MEIOSIN: variants seen among roughly 807,000 people sequenced by gnomAD.
MEIOSIN encodes meiosis initiator protein.
Under a neutral mutation model 23.4 loss-of-function variants are expected in MEIOSIN, and 18 were observed. The ratio of observed to expected loss-of-function variants is 0.77; its 90% CI spans 0.53 to 1.14. MEIOSIN has a LOEUF of 1.14. Among genes scored for constraint, MEIOSIN ranks in the 50% most tolerant of loss-of-function variants. The probability of loss-of-function intolerance (pLI) is 0.00; values close to 1 mark genes in which losing one functional copy is unlikely to be tolerated. For synonymous variants in MEIOSIN, 187 were observed against 100.6 expected, an observed-to-expected ratio of 1.86 and a Z score of -5.14; for missense variants, 428 against 242.9, an observed-to-expected ratio of 1.76 and a Z score of -5.07.
intron 7 of MEIOSIN, 123 bp downstream of exon 7, chr19:45,754,847 C>A (rs1025365300): frequency 6.4e-6 from 4 of 628,706 alleles, no homozygotes; most frequent in Non-Finnish European, 1.1e-5. Flanking sequence ...AACACCGCCT[C>A]TTACTTCTCA....
chr19:45,755,150 CTTT>C (rs974858195), intron 7 of MEIOSIN, among the ~76,000 whole-genome samples: 4 of 137,772 alleles, frequency 2.9e-5, no homozygotes, highest in Admixed American at 7.3e-5. Flanking sequence ...TCAGCCTTTT[CTTT>C]TTTTTTTTTT....
At chr19:45,751,734 C>CT (rs35105394) in intron 5 of MEIOSIN, among the ~76,000 whole-genome samples, 113 of 139,638 alleles carry the variant, frequency 8.1e-4, no homozygotes, top group Non-Finnish European at 7.3e-4. Flanking sequence ...TTCTTTCTTT[C>CT]TTTTTTTTTT....
chr19:45,740,518 A>T (rs1968483131), intron 3 of MEIOSIN, among the ~76,000 whole-genome samples: 1 of 152,166 alleles, frequency 6.6e-6, no homozygotes, highest in Non-Finnish European at 1.5e-5. Context: ...TGGGAGGCCA[A>T]GGCGGATAGA....
At chr19:45,741,837 A>T (rs929579963) in intron 3 of MEIOSIN, among the ~76,000 whole-genome samples, 2 of 151,964 alleles carry the variant, frequency 1.3e-5, no homozygotes, top group African/African-American at 4.8e-5. Context: ...CCAAAAAAAA[A>T]TTTATTTTAA....
intron 1 of MEIOSIN, among the ~76,000 whole-genome samples, chr19:45,734,670 ATTT>A (rs34632029): frequency 7.3e-6 from 1 of 137,880 alleles, no homozygotes. Flanking sequence ...TGCCCAGGTA[ATTT>A]TTTTTTTTTT....
intron 5 of MEIOSIN, 97 bp downstream of exon 5, chr19:45,750,883 A>G (rs16979999): frequency 9.2e-5 from 42 of 457,550 alleles, no homozygotes; most frequent in African/African-American, 7.1e-4. Context: ...AAGGCCTGGT[A>G]TAGGGGACAA....
intron 5 of MEIOSIN, among the ~76,000 whole-genome samples, chr19:45,752,185 T>G (rs1190183578): frequency 6.6e-6 from 1 of 151,928 alleles, no homozygotes; most frequent in Non-Finnish European, 1.5e-5. Flanking sequence ...TCTAAGCAGC[T>G]TGTACTACAG....
intron 5 of MEIOSIN, among the ~76,000 whole-genome samples, chr19:45,752,820 C>T (rs1310064043): frequency 6.6e-6 from 1 of 152,048 alleles, no homozygotes; most frequent in Non-Finnish European, 1.5e-5. Context: ...ATCTCCATGC[C>T]ACGCAGACCT....
chr19:45,736,605 G>A (rs560557099), intron 2 of MEIOSIN, among the ~76,000 whole-genome samples: 13 of 151,298 alleles, frequency 8.6e-5, no homozygotes, highest in Admixed American at 7.3e-4. Flanking sequence ...CTGACCTCGC[G>A]ATCCGCCCGC....
chr19:45,734,306 G>A lies in MEIOSIN; in HGVS notation c.-1+640G>A, dbSNP rs1046726199. Among the ~76,000 whole-genome samples the A allele has an allele frequency of 2.0e-5, 3 of 152,142 alleles. No homozygotes were observed. The East Asian group carries it at 5.8e-4, about 29-fold the overall frequency. ...CCACAATTTGAGGGACAGTTTGGAC[G>A]TCTAAGAGGTCAATCTGGAGAAGTG... On this transcript the variant is annotated intron_variant, in intron 1 of 14. Transcript: ENST00000457052.
At chr19:45,754,175 C>T (rs1968770163) in intron 6 of MEIOSIN, among the ~76,000 whole-genome samples, 1 of 152,138 alleles carries the variant, frequency 6.6e-6, no homozygotes, top group Non-Finnish European at 1.5e-5. Context: ...CAGGGTTTCG[C>T]CATGTTGGCC....
At chr19:45,752,424 C>A (rs1327065323) in intron 5 of MEIOSIN, among the ~76,000 whole-genome samples, 1 of 152,028 alleles carries the variant, frequency 6.6e-6, no homozygotes, top group African/African-American at 2.4e-5. Context: ...CCGTGGTCGC[C>A]AAGCTGGTAT....
chr19:45,742,131 C>T (rs1968516754), intron 3 of MEIOSIN, among the ~76,000 whole-genome samples: 1 of 152,024 alleles, frequency 6.6e-6, no homozygotes, highest in South Asian at 2.1e-4. Context: ...CTGCCTTGGC[C>T]TCCCAAAGTG....
At chr19:45,740,423 G>A (rs1968481528) in intron 3 of MEIOSIN, among the ~76,000 whole-genome samples, 1 of 152,086 alleles carries the variant, frequency 6.6e-6, no homozygotes, top group Admixed American at 6.6e-5. Flanking sequence ...CCCACTTTGG[G>A]GCAGCTCTTA....
chr19:45,763,459 G>C (rs1017465013), intron 14 of MEIOSIN, 32 bp downstream of exon 14: 3 of 398,522 alleles, frequency 7.5e-6, no homozygotes, highest in Non-Finnish European at 1.3e-5. Flanking sequence ...GTGTGGGTGG[G>C]GGGTGGAAGA....
chr19:45,756,020 C>A lies in MEIOSIN; in HGVS notation c.853C>A (p.Leu285Met), dbSNP rs1241435617. The A allele has an allele frequency of 1.4e-6, 1 of 702,968 alleles. No homozygotes were observed. The highest frequency in any genetic ancestry group is 2.7e-5 in the East Asian group (1 of 37,286). 43.5% of individuals were successfully genotyped at this position (702,968 alleles called of 1,614,324 possible). A position where few individuals can be genotyped will look rare whatever the true frequency, so the allele number is the denominator to read the frequency against. The change falls in exon 8 of 15, where the codon CTG becomes ATG. Residue 285 changes from leucine (L) to methionine (M), a missense_variant. Transcript: ENST00000457052. ...GGATGACGCACCTTTCCCTGCGCTC[C>A]TGGCTCAGGAAGATGTGGCGAGGAT... The part of the protein sequence containing the change: ...VQDDAPFPAL[L>M]AQEDVARIHF...
chr19:45,761,883 G>T lies in MEIOSIN; in HGVS notation c.1434+16G>T. 1.6e-6 allele frequency: 1 copy of T among 633,160 alleles called. No homozygotes were observed. The highest frequency in any genetic ancestry group is 1.8e-5 in the South Asian group (1 of 56,884). 39.2% of individuals were successfully genotyped at this position (633,160 alleles called of 1,614,324 possible). A position where few individuals can be genotyped will look rare whatever the true frequency, so the allele number is the denominator to read the frequency against. On this transcript the variant is annotated intron_variant, in intron 12 of 14. Transcript: ENST00000457052. ...GCAGCGAGAGGTGAGAGACACGGCC[G>T]CATGCCAGGGCCAGCAGGGCCTCCT...
At chr19:45,751,348 C>T (rs1223875131) in intron 5 of MEIOSIN, among the ~76,000 whole-genome samples, 1 of 150,944 alleles carries the variant, frequency 6.6e-6, no homozygotes, top group African/African-American at 2.4e-5. Flanking sequence ...TCATGACCTT[C>T]CCCTGGCATA....
chr19:45,749,013 G>A (rs1483312189), intron 4 of MEIOSIN, among the ~76,000 whole-genome samples: 1 of 151,612 alleles, frequency 6.6e-6, no homozygotes, highest in African/African-American at 2.4e-5. Context: ...AGGCTGCAGT[G>A]AGCTGAGATC....
Sources: gnomAD v4.1 joint callset for allele counts (sites outside exome capture counted in the v4.1 genomes callset) on GRCh38, gnomAD v4.1.1 for gene constraint, MANE v1.5 for transcripts, NCBI Gene and HGNC (gene_info 2026-07-23, HGNC 2026-07-21) for gene names.